SLC39A11: variants seen among roughly 807,000 people sequenced by gnomAD.
The protein encoded by SLC39A11 is zinc transporter ZIP11.
Under a neutral mutation model 36.1 loss-of-function variants are expected in SLC39A11, and 33 were observed. That is an observed-to-expected ratio of 0.91 (90% confidence interval 0.69 to 1.22). The LOEUF (loss-of-function observed/expected upper bound fraction) is 1.22, where lower values mean the gene tolerates loss of function less well. SLC39A11 is among the 50% of genes most tolerant of loss of function. The probability of loss-of-function intolerance (pLI) is 0.00; values close to 1 mark genes in which losing one functional copy is unlikely to be tolerated. For missense variants in SLC39A11, 432 were observed against 430.3 expected (o/e 1.00, Z -0.03); for synonymous variants, 166 against 170.3 (o/e 0.97, Z 0.20).
chr17:72,954,339 G>A (rs2086091898), intron 4 of SLC39A11, among the ~76,000 whole-genome samples: 1 of 152,274 alleles, frequency 6.6e-6, no homozygotes, highest in Admixed American at 6.5e-5. Context: ...AGAGCTCCCT[G>A]AGGAAAGGCC....
intron 7 of SLC39A11, among the ~76,000 whole-genome samples, chr17:72,727,344 G>A (rs764527217): frequency 4.6e-5 from 7 of 152,168 alleles, no homozygotes; most frequent in Admixed American, 2.6e-4. Context: ...AAACTGCTAT[G>A]GGACCAGAAC....
In SLC39A11 at chr17:72,698,853, G is replaced by C. The variant is rs185135975; in HGVS notation, c.671+37797C>G. On this transcript the variant is annotated intron_variant, in intron 7 of 9. Transcript: ENST00000255559. The stretch of plus-strand genomic sequence containing the variant: ...GTTCTTTTTTTGTTTTGTTTTGAGA[G>C]GGAGTCTCGCTCTGTCGCCCAGGCT... Among the ~76,000 whole-genome samples, 122 of 152,102 alleles carry C rather than the reference G, an allele frequency of 8.0e-4. 2 individuals are homozygous for C. In the East Asian group the frequency reaches 0.019, roughly 23 times the overall value.
At chr17:72,953,860 C>A (rs2086049173) in intron 4 of SLC39A11, among the ~76,000 whole-genome samples, 1 of 152,146 alleles carries the variant, frequency 6.6e-6, no homozygotes, top group Non-Finnish European at 1.5e-5. Context: ...AACAAAGCAA[C>A]CTGTGATGAT....
chr17:72,686,464 T>C (rs1298766540), intron 7 of SLC39A11, among the ~76,000 whole-genome samples: 2 of 152,232 alleles, frequency 1.3e-5, no homozygotes, highest in Non-Finnish European at 2.9e-5. Flanking sequence ...GCATGGCTCT[T>C]GGCTCGTTCG....
chr17:73,063,322 C>T (rs1353289833), intron 3 of SLC39A11, among the ~76,000 whole-genome samples: 2 of 152,172 alleles, frequency 1.3e-5, no homozygotes, highest in African/African-American at 4.8e-5. Context: ...AGATTGACCC[C>T]TTATGAAATA....
At chr17:72,967,323 TTATAAGAAAAC>T (rs1017814479) in intron 4 of SLC39A11, among the ~76,000 whole-genome samples, 1 of 149,870 alleles carries the variant, frequency 6.7e-6, no homozygotes, top group East Asian at 2.0e-4. Flanking sequence ...TACCTTTTTA[TTATAAGAAAAC>T]ACCCTCATGA....
chr17:73,060,460 C>T (rs1057069481), intron 3 of SLC39A11, among the ~76,000 whole-genome samples: 1 of 152,130 alleles, frequency 6.6e-6, no homozygotes, highest in African/African-American at 2.4e-5. Flanking sequence ...GTCTTTATCA[C>T]TCTGGTTAAA....
intron 6 of SLC39A11, among the ~76,000 whole-genome samples, chr17:72,764,241 T>C (rs2075688376): frequency 6.6e-6 from 1 of 152,112 alleles, no homozygotes; most frequent in African/African-American, 2.4e-5. Context: ...TGGCTGACCT[T>C]TGGGGAGGTG....
At chr17:72,808,292 A>C (rs997248241) in intron 6 of SLC39A11, among the ~76,000 whole-genome samples, 3 of 152,240 alleles carry the variant, frequency 2.0e-5, no homozygotes, top group Non-Finnish European at 2.9e-5. Context: ...CTTTGCAAAG[A>C]ATATGACAGG....
At chr17:72,942,848 A>C (rs2085200932) in intron 5 of SLC39A11, among the ~76,000 whole-genome samples, 1 of 152,164 alleles carries the variant, frequency 6.6e-6, no homozygotes, top group Non-Finnish European at 1.5e-5. Context: ...ATGTCTAAAA[A>C]AATGCAATCC....
At position 72,992,283 on chromosome 17, in the gene SLC39A11, G is replaced by C. The variant is rs184651968; in HGVS notation, c.306+39273C>G. Among the ~76,000 whole-genome samples, 504 of 152,292 alleles carry C rather than the reference G, an allele frequency of 3.3e-3. 3 individuals carry two copies. The highest frequency in any genetic ancestry group is 0.012 in the African/African-American group (489 of 41,560). ...GCAGGAGAATTGCTTGAACCCAGGA[G>C]GTGGAGGTGGCAGTGAGCCGAGATC... On this transcript the variant is annotated intron_variant, in intron 4 of 9. Transcript: ENST00000255559.
intron 4 of SLC39A11, among the ~76,000 whole-genome samples, chr17:73,008,968 G>A (rs2090346852): frequency 6.6e-6 from 1 of 151,266 alleles, no homozygotes; most frequent in Non-Finnish European, 1.5e-5. Context: ...GGCTAAGGCC[G>A]GTGGATCAGT....
chr17:72,726,466 G>A (rs1432209640), intron 7 of SLC39A11, among the ~76,000 whole-genome samples: 1 of 152,100 alleles, frequency 6.6e-6, no homozygotes, highest in Non-Finnish European at 1.5e-5. Flanking sequence ...AGCTATGATT[G>A]TGCCACTGCA....
intron 4 of SLC39A11, among the ~76,000 whole-genome samples, chr17:72,989,862 T>C (rs1598744371): frequency 6.6e-6 from 1 of 152,214 alleles, no homozygotes; most frequent in Non-Finnish European, 1.5e-5. Flanking sequence ...TTTAGGGACA[T>C]AACTGTCACC....
At chr17:72,836,142 G>A (rs1298857188) in intron 6 of SLC39A11, among the ~76,000 whole-genome samples, 3 of 152,170 alleles carry the variant, frequency 2.0e-5, no homozygotes, top group African/African-American at 2.4e-5. Flanking sequence ...TGAGAACTAC[G>A]CCAACGTGGT....
At chr17:73,014,528 A>G (rs1277822985) in intron 4 of SLC39A11, among the ~76,000 whole-genome samples, 2 of 152,208 alleles carry the variant, frequency 1.3e-5, no homozygotes, top group Non-Finnish European at 2.9e-5. Context: ...TCATGTTAAC[A>G]TGAGCTGTAT....
chr17:72,703,060 G>A (rs560471582), intron 7 of SLC39A11, among the ~76,000 whole-genome samples: 68 of 151,558 alleles, frequency 4.5e-4, no homozygotes, highest in Non-Finnish European at 7.5e-4. Context: ...CTCCCTTACC[G>A]CCCCATCACC....
chr17:72,652,671 A>C (rs2069905537), intron 7 of SLC39A11, among the ~76,000 whole-genome samples: 1 of 152,228 alleles, frequency 6.6e-6, no homozygotes, highest in Non-Finnish European at 1.5e-5. Context: ...CCCTAAAGCC[A>C]AAACTCATTC....
intron 5 of SLC39A11, among the ~76,000 whole-genome samples, chr17:72,894,726 G>T (rs368493553): frequency 1.3e-5 from 2 of 151,478 alleles, no homozygotes; most frequent in East Asian, 3.9e-4. Flanking sequence ...ACCTCAACCT[G>T]AATGAGTCAG....
Sources: allele counts gnomAD v4.1 joint callset (sites outside exome capture counted in the v4.1 genomes callset), GRCh38; gene constraint gnomAD v4.1.1; transcripts MANE v1.5; gene names NCBI Gene and HGNC (gene_info 2026-07-23, HGNC 2026-07-21).